PRKCA: variants seen among roughly 807,000 people sequenced by gnomAD.
PRKCA encodes the protein protein kinase C alpha type.
Under a neutral mutation model 87.0 loss-of-function variants are expected in PRKCA, and 27 were observed. The observed-to-expected ratio is 0.31, with a 90% CI of 0.23 to 0.43. The LOEUF is 0.43. PRKCA is among the 20% of genes least tolerant of loss of function. The probability of loss-of-function intolerance (pLI) is 1.00; values close to 1 mark genes in which losing one functional copy is unlikely to be tolerated. For synonymous variants in PRKCA, 329 were observed against 311.1 expected (o/e 1.06, Z -0.61); for missense variants, 518 against 852.3 (o/e 0.61, Z 4.88).
At chr17:66,696,958 C>T (rs1393647309) in intron 8 of PRKCA, among the ~76,000 whole-genome samples, 1 of 152,176 alleles carries the variant, frequency 6.6e-6, no homozygotes, top group African/African-American at 2.4e-5. Flanking sequence ...GCCACCTTGG[C>T]CTGACTCCGC....
chr17:66,628,423 ATTT>A (rs1335524726), intron 3 of PRKCA, among the ~76,000 whole-genome samples: 3 of 117,796 alleles, frequency 2.5e-5, no homozygotes, highest in Admixed American at 1.8e-4. Flanking sequence ...ACTGATTTAT[ATTT>A]AATGACATGG....
At chr17:66,771,032 C>G (rs770507442) in intron 13 of PRKCA, among the ~76,000 whole-genome samples, 1 of 145,444 alleles carries the variant, frequency 6.9e-6, no homozygotes, top group South Asian at 2.1e-4. Context: ...GAGACAGCAT[C>G]TCACTCTGTC....
chr17:66,519,397 T>C (rs1404754980), intron 3 of PRKCA, among the ~76,000 whole-genome samples: 3 of 152,222 alleles, frequency 2.0e-5, no homozygotes, highest in South Asian at 2.1e-4. Flanking sequence ...CAGATATTCA[T>C]GCAAGGCATT....
intron 16 of PRKCA, among the ~76,000 whole-genome samples, chr17:66,795,529 ATTC>A (rs1402906153): frequency 2.0e-5 from 3 of 152,358 alleles, no homozygotes; most frequent in African/African-American, 7.2e-5. Flanking sequence ...AGTTTTTCCT[ATTC>A]TTTAATCATT....
chr17:66,768,186 C>T (rs1056121750), intron 13 of PRKCA, among the ~76,000 whole-genome samples: 41 of 151,838 alleles, frequency 2.7e-4, no homozygotes, highest in African/African-American at 5.6e-4. Flanking sequence ...TCAAGTGATC[C>T]GCCCGCCTGG....
Position 66,392,444 on chromosome 17 carries a change from T to G in PRKCA, c.205+86317T>G, listed in dbSNP as rs571618513. ...AAAGATAACAGTCTTTCAAAAAGCT[T>G]ACTATCTCCTCAAAAAACTCATTCC... On this transcript the variant is annotated intron_variant, in intron 2 of 16. Transcript: ENST00000413366. 5.9e-5 allele frequency among the ~76,000 whole-genome samples: 9 copies of G among 152,284 alleles called. No homozygotes were observed. The South Asian group carries it at 1.7e-3, about 28-fold the overall frequency.
chr17:66,660,352 T>C (rs1393006189), intron 5 of PRKCA, among the ~76,000 whole-genome samples: 2 of 152,194 alleles, frequency 1.3e-5, no homozygotes, highest in Non-Finnish European at 2.9e-5. Flanking sequence ...CTAACTTCCT[T>C]GCTGTTGTTT....
chr17:66,308,811 C>T (rs1047894236), intron 2 of PRKCA, among the ~76,000 whole-genome samples: 6 of 152,118 alleles, frequency 3.9e-5, no homozygotes, highest in African/African-American at 7.2e-5. Context: ...TGTTTTGGCT[C>T]CTACCGCAAA....
chr17:66,538,925 G>A (rs2143109322), intron 3 of PRKCA, among the ~76,000 whole-genome samples: 1 of 152,324 alleles, frequency 6.6e-6, no homozygotes, highest in African/African-American at 2.4e-5. Flanking sequence ...TGTCTCCTGA[G>A]CCCCGGTATC....
At chr17:66,499,294 A>G (rs1384614487) in intron 3 of PRKCA, among the ~76,000 whole-genome samples, 1 of 152,054 alleles carries the variant, frequency 6.6e-6, no homozygotes, top group Non-Finnish European at 1.5e-5. Context: ...GGAAACCAAG[A>G]AGGGGCAGCC....
At chr17:66,650,681 C>T (rs1054410944) in intron 5 of PRKCA, among the ~76,000 whole-genome samples, 1 of 152,074 alleles carries the variant, frequency 6.6e-6, no homozygotes, top group African/African-American at 2.4e-5. Context: ...CCCAGAGACT[C>T]CTCCTGCCTA....
At chr17:66,364,256 A>G (rs1446336952) in intron 2 of PRKCA, 1 of 152,230 alleles carries the variant, frequency 6.6e-6, no homozygotes, top group African/African-American at 2.4e-5. Flanking sequence ...CATGCTGATC[A>G]GTAGTGGGAT....
At chr17:66,506,598 G>C (rs914991676) in intron 3 of PRKCA, among the ~76,000 whole-genome samples, 7 of 152,140 alleles carry the variant, frequency 4.6e-5, no homozygotes, top group Admixed American at 6.5e-5. Context: ...ACAGCTGTGC[G>C]TGAGACTTTT....
intron 3 of PRKCA, among the ~76,000 whole-genome samples, chr17:66,557,133 G>A (rs557281288): frequency 6.6e-6 from 1 of 152,278 alleles, no homozygotes; most frequent in South Asian, 2.1e-4. Context: ...GGAATGATAG[G>A]TAGGATCCAG....
At chr17:66,305,619 CCG>C (rs1399727253) in intron 1 of PRKCA, among the ~76,000 whole-genome samples, 2 of 152,164 alleles carry the variant, frequency 1.3e-5, no homozygotes, top group Non-Finnish European at 2.9e-5. Flanking sequence ...AAAAGTGATG[CCG>C]TTTGGCAGTT....
At chr17:66,576,873 CTTT>C (rs66875614) in intron 3 of PRKCA, among the ~76,000 whole-genome samples, 3 of 138,318 alleles carry the variant, frequency 2.2e-5, no homozygotes. Context: ...TGGTGATGTA[CTTT>C]TTTTTTTTTT....
chr17:66,563,079 A>G (rs1335624117), intron 3 of PRKCA, among the ~76,000 whole-genome samples: 4 of 152,096 alleles, frequency 2.6e-5, no homozygotes, highest in African/African-American at 9.7e-5. Context: ...AATGGAGTGG[A>G]AAGTACAGTG....
intron 14 of PRKCA, among the ~76,000 whole-genome samples, chr17:66,782,633 C>T (rs557970260): frequency 2.6e-4 from 39 of 152,326 alleles, no homozygotes; most frequent in South Asian, 2.1e-3. Flanking sequence ...CCAGGGCTGC[C>T]CCACCCCCTT....
chr17:66,529,182 C>T (rs946053115), intron 3 of PRKCA, among the ~76,000 whole-genome samples: 4 of 152,142 alleles, frequency 2.6e-5, no homozygotes, highest in East Asian at 3.8e-4. Context: ...GCTAAAAACA[C>T]GTTTTTAAAC....
Sources: allele counts gnomAD v4.1 joint callset (sites outside exome capture counted in the v4.1 genomes callset), GRCh38; gene constraint gnomAD v4.1.1; transcripts MANE v1.5; gene names NCBI Gene and HGNC (gene_info 2026-07-23, HGNC 2026-07-21).